Variants in CHCHD3 observed in about 807,000 individuals in gnomAD.
CHCHD3 encodes the protein MICOS complex subunit MIC19.
In CHCHD3, 20 loss-of-function variants were observed where a neutral mutation model predicts 38.2. The observed-to-expected ratio is 0.52, with a 90% CI of 0.37 to 0.76. The LOEUF (loss-of-function observed/expected upper bound fraction) is 0.76, where lower values mean the gene tolerates loss of function less well. CHCHD3 is among the 30% of genes least tolerant of loss of function. The pLI, the probability that CHCHD3 is intolerant of heterozygous loss-of-function variation, is 0.00. For missense variants in CHCHD3, 245 were observed against 279.2 expected (o/e 0.88, Z 0.87); for synonymous variants, 82 against 100.0 (o/e 0.82, Z 1.07).
intron 3 of CHCHD3, among the ~76,000 whole-genome samples, chr7:133,018,935 G>A (rs955254029): frequency 1.4e-5 from 2 of 139,238 alleles, no homozygotes; most frequent in African/African-American, 5.4e-5. Context: ...CCAGGCTGGA[G>A]TGCAGTGGCG....
chr7:132,965,043 T>A (rs1811423105), intron 4 of CHCHD3, among the ~76,000 whole-genome samples: 1 of 146,568 alleles, frequency 6.8e-6, no homozygotes, highest in Admixed American at 6.9e-5. Flanking sequence ...AGTAGGCTCA[T>A]AATGCTATGG....
chr7:132,848,025 T>A lies in CHCHD3; in HGVS notation c.454-9556A>T, dbSNP rs537798461. Among the ~76,000 whole-genome samples, 3 of 152,256 alleles carry A rather than the reference T, an allele frequency of 2.0e-5. No individual in the cohort carries two copies. In the South Asian group the frequency reaches 6.2e-4, roughly 32 times the overall value. On this transcript the variant is annotated intron_variant, in intron 5 of 7. Coordinates refer to ENST00000262570, the MANE Select transcript of CHCHD3 (RefSeq NM_017812.4). ...TCAAGGATGGTGGCAACTCCACAGA[T>A]CCTTAGCACCAAGAGAATGGTGGCA...
intron 4 of CHCHD3, among the ~76,000 whole-genome samples, chr7:132,913,375 T>C (rs1163508894): frequency 6.6e-6 from 1 of 152,156 alleles, no homozygotes; most frequent in African/African-American, 2.4e-5. Context: ...AAATTATGCC[T>C]CTGGAGTCAG....
At chr7:132,851,381 T>C (rs1231323682) in intron 5 of CHCHD3, among the ~76,000 whole-genome samples, 1 of 152,158 alleles carries the variant, frequency 6.6e-6, no homozygotes, top group Non-Finnish European at 1.5e-5. Flanking sequence ...GATTGGGACT[T>C]CTCATTTATC....
chr7:132,998,238 G>A (rs2117385653), intron 3 of CHCHD3, among the ~76,000 whole-genome samples: 1 of 152,248 alleles, frequency 6.6e-6, no homozygotes, highest in East Asian at 1.9e-4. Context: ...AAAATGTTTT[G>A]AACAATGCAG....
At chr7:132,949,246 G>A (rs527723574) in intron 4 of CHCHD3, among the ~76,000 whole-genome samples, 1 of 152,026 alleles carries the variant, frequency 6.6e-6, no homozygotes, top group Non-Finnish European at 1.5e-5. Context: ...CCTTGATGCT[G>A]GATATGTATG....
In CHCHD3 at chr7:132,875,542, T is replaced by C. The variant is rs1171646710; in HGVS notation, c.453+10120A>G. 2.6e-5 allele frequency among the ~76,000 whole-genome samples: 4 copies of C among 152,158 alleles called. No individual in the cohort carries two copies. The South Asian group carries it at 6.2e-4, about 24-fold the overall frequency. Reference sequence around the variant, plus strand: ...CCAAAATCCCATGATCTTTAGCTCTTGAAGGGACAAAGGTAGTAAAAAGGT... The same window carrying C: ...CCAAAATCCCATGATCTTTAGCTCTCGAAGGGACAAAGGTAGTAAAAAGGT... On this transcript the variant is annotated intron_variant, in intron 5 of 7. Transcript: ENST00000262570.
In CHCHD3 at chr7:132,830,150, G is replaced by A. The variant is rs112690095; in HGVS notation, c.524+8249C>T. ...GAAGGGCTCCAATTTTAGAAGGGGG[G>A]AAAAAGCATTAATACCGAAGCTTTC... is the stretch of plus-strand genomic sequence containing the variant. On this transcript the variant is annotated intron_variant, in intron 6 of 7. Coordinates refer to ENST00000262570, the MANE Select transcript of CHCHD3 (RefSeq NM_017812.4). Among the ~76,000 whole-genome samples the A allele has an allele frequency of 2.5e-4, 38 of 152,272 alleles. No individual in the cohort carries two copies. In the South Asian group the frequency reaches 3.1e-3, roughly 12 times the overall value.
intron 6 of CHCHD3, among the ~76,000 whole-genome samples, chr7:132,826,510 T>C (rs367714601): frequency 2.6e-5 from 4 of 152,290 alleles, no homozygotes; most frequent in South Asian, 2.1e-4. Flanking sequence ...AGGGACTCGG[T>C]TGATTACCAG....
intron 5 of CHCHD3, among the ~76,000 whole-genome samples, chr7:132,859,276 T>C (rs1262304234): frequency 2.0e-5 from 3 of 152,200 alleles, no homozygotes. Context: ...GTAAGGGGGA[T>C]GAGATTTAAG....
intron 5 of CHCHD3, among the ~76,000 whole-genome samples, chr7:132,874,921 T>G (rs537190203): frequency 1.3e-5 from 2 of 152,286 alleles, no homozygotes; most frequent in Admixed American, 1.3e-4. Flanking sequence ...CTCATTGACC[T>G]ATGCTTTTGG....
intron 5 of CHCHD3, among the ~76,000 whole-genome samples, chr7:132,885,083 C>G (rs1294350121): frequency 6.6e-6 from 1 of 152,000 alleles, no homozygotes; most frequent in African/African-American, 2.4e-5. Flanking sequence ...GAAACCCTGT[C>G]TCTAATAAAA....
At chr7:132,824,123 T>G (rs1482848623) in intron 6 of CHCHD3, among the ~76,000 whole-genome samples, 1 of 152,186 alleles carries the variant, frequency 6.6e-6, no homozygotes, top group Non-Finnish European at 1.5e-5. Flanking sequence ...TGATAGTCAT[T>G]AATTTGGTGC....
chr7:132,986,142 C>T (rs1211136252), intron 3 of CHCHD3, among the ~76,000 whole-genome samples: 1 of 150,390 alleles, frequency 6.6e-6, no homozygotes, highest in East Asian at 2.0e-4. Context: ...GCTGTGTCCA[C>T]TCAGGGTTGA....
chr7:133,019,840 T>C (rs1401539209), intron 3 of CHCHD3, among the ~76,000 whole-genome samples: 3 of 152,180 alleles, frequency 2.0e-5, no homozygotes, highest in Non-Finnish European at 4.4e-5. Flanking sequence ...AAGACTGACT[T>C]TTGGAGGTAG....
intron 3 of CHCHD3, among the ~76,000 whole-genome samples, chr7:133,005,484 G>C (rs1327726865): frequency 1.3e-5 from 2 of 152,158 alleles, no homozygotes; most frequent in African/African-American, 4.8e-5. Flanking sequence ...AAAGGAATTT[G>C]AAAATCAGGT....
intron 6 of CHCHD3, among the ~76,000 whole-genome samples, chr7:132,820,611 GTTT>G (rs748470167): frequency 1.2e-4 from 12 of 96,184 alleles, no homozygotes; most frequent in Middle Eastern, 6.3e-3. Context: ...ATGTGCTAGT[GTTT>G]TTTTTTTTTT....
At chr7:133,057,561 C>T (rs971550912) in intron 2 of CHCHD3, among the ~76,000 whole-genome samples, 1 of 149,356 alleles carries the variant, frequency 6.7e-6, no homozygotes, top group Non-Finnish European at 1.5e-5. Flanking sequence ...GACCTCGTCT[C>T]AAAAAAAGAA....
At chr7:132,817,213 T>C (rs1807222845) in intron 6 of CHCHD3, among the ~76,000 whole-genome samples, 1 of 152,118 alleles carries the variant, frequency 6.6e-6, no homozygotes, top group African/African-American at 2.4e-5. Context: ...CTTTCTTTTT[T>C]TTTTTTGGGC....
Sources: gnomAD v4.1 joint callset for allele counts (sites outside exome capture counted in the v4.1 genomes callset) on GRCh38, gnomAD v4.1.1 for gene constraint, MANE v1.5 for transcripts, NCBI Gene and HGNC (gene_info 2026-07-23, HGNC 2026-07-21) for gene names.